Variants in SIPA1L1 observed in about 807,000 individuals in gnomAD.
SIPA1L1 encodes signal-induced proliferation-associated 1-like protein 1.
Under a neutral mutation model 162.7 loss-of-function variants are expected in SIPA1L1, and 26 were observed. That is an observed-to-expected ratio of 0.16 (90% CI 0.12 to 0.22). SIPA1L1 has a LOEUF of 0.22. SIPA1L1 is among the 10% of genes least tolerant of loss of function. The probability of loss-of-function intolerance (pLI) is 1.00; values close to 1 mark genes in which losing one functional copy is unlikely to be tolerated. For missense variants in SIPA1L1, 1,874 were observed against 2,241.0 expected (o/e 0.84, Z 3.31); for synonymous variants, 829 against 837.4 (o/e 0.99, Z 0.17).
chr14:71,478,794 AAGAC>A (rs1449480881), intron 2 of SIPA1L1, among the ~76,000 whole-genome samples: 4 of 152,134 alleles, frequency 2.6e-5, no homozygotes, highest in Non-Finnish European at 4.4e-5. Flanking sequence ...AAGAGGCAGA[AAGAC>A]AGAGGAAAAA....
intron 4 of SIPA1L1, chr14:71,586,187 C>T (rs898772791): frequency 6.6e-6 from 1 of 151,416 alleles, no homozygotes; most frequent in Non-Finnish European, 1.5e-5. Flanking sequence ...CGAGCCCAGC[C>T]AGAGCTCGCC....
chr14:71,702,597 G>A (rs1280681241), intron 15 of SIPA1L1, 92 bp downstream of exon 15: 3 of 1,118,578 alleles, frequency 2.7e-6, no homozygotes, highest in African/African-American at 1.6e-5. Context: ...GTTATAAAAG[G>A]TAGCCCTAGT....
chr14:71,591,015 C>T (rs1306695642), intron 5 of SIPA1L1, among the ~76,000 whole-genome samples: 1 of 152,090 alleles, frequency 6.6e-6, no homozygotes, highest in African/African-American at 2.4e-5. Flanking sequence ...CTTTACTGTA[C>T]CTGTGCAAAT....
chr14:71,374,434 A>G (rs995031961), intron 2 of SIPA1L1, among the ~76,000 whole-genome samples: 1 of 151,882 alleles, frequency 6.6e-6, no homozygotes, highest in Admixed American at 6.5e-5. Context: ...AAGGTTGCAC[A>G]CTATAGATTT....
chr14:71,589,413 C>T (rs1466480869), intron 5 of SIPA1L1, 43 bp downstream of exon 5: 1 of 1,308,372 alleles, frequency 7.6e-7, no homozygotes, highest in Non-Finnish European at 1.1e-6. Context: ...TTTTGCAGTA[C>T]TTTCTGAAGA....
chr14:71,450,892 C>T (rs2045768163), intron 2 of SIPA1L1, among the ~76,000 whole-genome samples: 1 of 152,170 alleles, frequency 6.6e-6, no homozygotes, highest in South Asian at 2.1e-4. Context: ...TCCAGCAGTT[C>T]CGCTGCTGGG....
intron 2 of SIPA1L1, among the ~76,000 whole-genome samples, chr14:71,407,479 C>T (rs1001091070): frequency 6.7e-5 from 8 of 118,662 alleles, no homozygotes; most frequent in East Asian, 2.2e-4. Flanking sequence ...CCCTCCATTC[C>T]CTTCCCTCCC....
intron 4 of SIPA1L1, among the ~76,000 whole-genome samples, chr14:71,578,421 A>T (rs2033441753): frequency 6.6e-6 from 1 of 152,142 alleles, no homozygotes; most frequent in Non-Finnish European, 1.5e-5. Context: ...ATGGAGATAC[A>T]GTTAACCCTT....
intron 4 of SIPA1L1, among the ~76,000 whole-genome samples, chr14:71,558,743 G>A (rs1032193546): frequency 1.3e-5 from 2 of 152,096 alleles, no homozygotes; most frequent in South Asian, 4.1e-4. Context: ...AAGTACAGTG[G>A]CACAGTCATG....
At chr14:71,518,660 G>T (rs1168817843) in intron 3 of SIPA1L1, among the ~76,000 whole-genome samples, 1 of 151,980 alleles carries the variant, frequency 6.6e-6, no homozygotes, top group African/African-American at 2.4e-5. Flanking sequence ...AAAATGTCCT[G>T]CTGGATGTAG....
intron 7 of SIPA1L1, among the ~76,000 whole-genome samples, chr14:71,638,691 G>A (rs1205195608): frequency 2.0e-5 from 3 of 152,158 alleles, no homozygotes; most frequent in Admixed American, 6.5e-5. Context: ...GCATGTAGAC[G>A]CAGCAGTGGA....
chr14:71,674,609 G>A (rs367574275), intron 12 of SIPA1L1, among the ~76,000 whole-genome samples: 11 of 147,808 alleles, frequency 7.4e-5, no homozygotes, highest in African/African-American at 2.8e-4. Context: ...CTGTCGCCCA[G>A]GCTGGAGTGC....
rs74913759 is a variant in SIPA1L1 at position 71,654,635 on chromosome 14, A to G, written c.1994-3698A>G. Among the ~76,000 whole-genome samples, 681 of 152,310 alleles carry G rather than the reference A, an allele frequency of 4.5e-3. 3 individuals are homozygous for G. The highest frequency in any genetic ancestry group is 7.1e-3 in the Non-Finnish European group (480 of 68,026). ...TTAAAAGAGATATAAGACTTTTCAT[A>G]AAGAAAGATTTGGAGGCAGATCATG... On this transcript the variant is annotated intron_variant, in intron 8 of 23. Transcript: ENST00000381232.
At chr14:71,677,014 G>A (rs1358499488) in intron 12 of SIPA1L1, among the ~76,000 whole-genome samples, 1 of 152,150 alleles carries the variant, frequency 6.6e-6, no homozygotes, top group African/African-American at 2.4e-5. Context: ...CTGGGAAATG[G>A]TATTTCTAGT....
intron 15 of SIPA1L1, among the ~76,000 whole-genome samples, chr14:71,704,366 G>A (rs1205840420): frequency 3.9e-5 from 6 of 152,276 alleles, no homozygotes; most frequent in South Asian, 4.1e-4. Context: ...GAATGTTTAC[G>A]AGGTTCTTAT....
chr14:71,438,616 G>A (rs1327335021), intron 2 of SIPA1L1, among the ~76,000 whole-genome samples: 1 of 152,192 alleles, frequency 6.6e-6, no homozygotes, highest in African/African-American at 2.4e-5. Flanking sequence ...GTACCAAACA[G>A]ACATGAACAA....
At chr14:71,595,120 G>A (rs1360440694) in intron 5 of SIPA1L1, among the ~76,000 whole-genome samples, 1 of 152,150 alleles carries the variant, frequency 6.6e-6, no homozygotes, top group African/African-American at 2.4e-5. Context: ...AAGGGCGTGG[G>A]CTTCAACTGC....
intron 2 of SIPA1L1, among the ~76,000 whole-genome samples, chr14:71,329,749 G>A (rs1335606044): frequency 5.3e-5 from 8 of 152,208 alleles, no homozygotes; most frequent in African/African-American, 1.9e-4. Context: ...TATTATCTCT[G>A]CATATATGTC....
intron 6 of SIPA1L1, among the ~76,000 whole-genome samples, chr14:71,620,934 A>C (rs572479062): frequency 1.3e-5 from 2 of 152,290 alleles, no homozygotes; most frequent in East Asian, 3.9e-4. Flanking sequence ...TGTTCAAAAA[A>C]ACCATTACCA....
Sources: allele counts gnomAD v4.1 joint callset (sites outside exome capture counted in the v4.1 genomes callset), GRCh38; gene constraint gnomAD v4.1.1; transcripts MANE v1.5; gene names NCBI Gene and HGNC (gene_info 2026-07-23, HGNC 2026-07-21).